TTYH2: variants seen among roughly 807,000 people sequenced by gnomAD.
The protein encoded by TTYH2 is tweety family member 2.
Under a neutral mutation model 68.3 loss-of-function variants are expected in TTYH2, and 49 were observed. The ratio of observed to expected loss-of-function variants is 0.72; its 90% CI spans 0.57 to 0.91. The LOEUF (loss-of-function observed/expected upper bound fraction) is 0.91, where lower values mean the gene tolerates loss of function less well. Ranked by LOEUF, TTYH2 falls within the 40% of genes least tolerant of loss-of-function variation. TTYH2 has a pLI of 0.00. For synonymous variants in TTYH2, 272 were observed against 300.8 expected (o/e 0.90, Z 0.99); for missense variants, 631 against 700.4 (o/e 0.90, Z 1.12).
At chr17:74,227,465 C>A (rs994342237) in intron 2 of TTYH2, among the ~76,000 whole-genome samples, 1 of 152,140 alleles carries the variant, frequency 6.6e-6, no homozygotes, top group African/African-American at 2.4e-5. Context: ...TCTCAGAGCA[C>A]AATACAATTG....
intron 5 of TTYH2, 49 bp downstream of exon 5, chr17:74,243,518 C>T: frequency 6.3e-7 from 1 of 1,591,164 alleles, no homozygotes. Flanking sequence ...GGCAGGATGC[C>T]ATCATCAGAG....
rs539631614 is a variant in TTYH2 at position 74,217,462 on chromosome 17, G to C, written c.129+3746G>C. Among the ~76,000 whole-genome samples, 5 of 152,316 alleles carry C rather than the reference G, an allele frequency of 3.3e-5. No homozygotes were observed. In the South Asian group the frequency reaches 1.0e-3, roughly 32 times the overall value. The stretch of plus-strand genomic sequence containing the variant: ...CTACAGGACTTCCTGCTTCTGACCT[G>C]GGGGCAGGTCTGAGGAAGAAGGACC... On this transcript the variant is annotated intron_variant, in intron 1 of 13. Coordinates refer to ENST00000269346, the MANE Select transcript of TTYH2 (RefSeq NM_032646.6). This position sits in a 1 kb window ranked among gnomAD's most constrained non-coding sequence, Gnocchi z 4.0.
intron 10 of TTYH2, among the ~76,000 whole-genome samples, chr17:74,251,287 T>C (rs59683399): frequency 0.42 from 61,922 of 149,120 alleles, 13,266 homozygotes; most frequent in African/African-American, 0.53. Context: ...GTCTGTGATG[T>C]GTGTGGTGTG....
chr17:74,248,943 C>A, intron 6 of TTYH2, 68 bp from the exon 7 acceptor site: 1 of 1,607,258 alleles, frequency 6.2e-7, no homozygotes, highest in Non-Finnish European at 8.5e-7. Context: ...GGGCTCCCGG[C>A]TCCTCCCAGG....
intron 13 of TTYH2, among the ~76,000 whole-genome samples, chr17:74,258,246 G>A (rs2050712658): frequency 6.6e-6 from 1 of 152,126 alleles, no homozygotes; most frequent in Admixed American, 6.6e-5. Context: ...CAGAAAATCT[G>A]AGTTGGAGCC....
chr17:74,240,483 T>C (rs903185800), intron 4 of TTYH2, among the ~76,000 whole-genome samples: 7 of 151,532 alleles, frequency 4.6e-5, no homozygotes, highest in Non-Finnish European at 1.0e-4. Context: ...TTGGCACCTA[T>C]GGCGCCTGAA....
At chr17:74,229,134 C>T (rs1488440182) in intron 2 of TTYH2, among the ~76,000 whole-genome samples, 1 of 152,140 alleles carries the variant, frequency 6.6e-6, no homozygotes, top group African/African-American at 2.4e-5. Context: ...CAGACTGTGA[C>T]ATGGGTGGCC....
intron 2 of TTYH2, among the ~76,000 whole-genome samples, chr17:74,229,947 A>C (rs1358772440): frequency 6.6e-6 from 1 of 152,170 alleles, no homozygotes; most frequent in African/African-American, 2.4e-5. Context: ...CCTGGCCAAC[A>C]TGGTGAAACC....
At chr17:74,248,563 A>C in intron 6 of TTYH2, 1 of 1,015,102 alleles carries the variant, frequency 9.9e-7, no homozygotes, top group African/African-American at 1.7e-5. Context: ...TCCCTGTAGC[A>C]CTTGATCATA....
rs755471690 is a variant in TTYH2 at position 74,237,380 on chromosome 17, C to T, written c.501C>T (p.Tyr167=). ...AGATCTTTGCTGCCCGGGGCGATTA[C>T]CTGCAGACCCTGAAGTTCATACAGC... ...LSEIFAARGD[Y]LQTLKFIQQM... is the part of the protein sequence containing the mutation. The change falls in exon 4 of 14, where the codon TAC becomes TAT. Residue 167 remains tyrosine, a synonymous_variant. Coordinates refer to ENST00000269346, the MANE Select transcript of TTYH2 (RefSeq NM_032646.6). The T allele has an allele frequency of 6.2e-7, 1 of 1,614,168 alleles. No individual in the cohort carries two copies. The highest frequency in any genetic ancestry group is 1.1e-5 in the South Asian group (1 of 91,086).
chr17:74,251,724 G>A (rs9889593), intron 10 of TTYH2: 63,715 of 154,338 alleles, frequency 0.41, 13,854 homozygotes, highest in African/African-American at 0.53. Context: ...TCCTTTTGCA[G>A]ACTAGGTTGG....
chr17:74,250,370 C>G lies in TTYH2; in HGVS notation c.1116+13C>G, dbSNP rs959092697. The G allele has an allele frequency of 6.2e-7, 1 of 1,609,462 alleles. No homozygotes were observed. The highest frequency in any genetic ancestry group is 2.2e-5 in the East Asian group (1 of 44,830). On this transcript the variant is annotated intron_variant, in intron 10 of 13. Coordinates refer to ENST00000269346, the MANE Select transcript of TTYH2 (RefSeq NM_032646.6). The stretch of plus-strand genomic sequence containing the variant: ...AGGGCTGCACAAGGTGCATGGGGAC[C>G]CTGGGGTCACGTGGAGAGTGTGAGG...
intron 6 of TTYH2, chr17:74,247,955 T>C (rs2050577625): frequency 6.6e-6 from 1 of 152,258 alleles, no homozygotes; most frequent in Non-Finnish European, 1.5e-5. Flanking sequence ...ACACATTTTC[T>C]AGACCGTAAG....
At chr17:74,254,761 G>T in intron 13 of TTYH2, among the ~76,000 whole-genome samples, 1 of 152,198 alleles carries the variant, frequency 6.6e-6, no homozygotes, top group East Asian at 1.9e-4. Flanking sequence ...AAGAGAGGGG[G>T]TCTCTTTCCC....
Position 74,259,305 on chromosome 17 carries a change from G to C in TTYH2, c.1525-824G>C, listed in dbSNP as rs8080732. Among the ~76,000 whole-genome samples the C allele has an allele frequency of 8.4e-3, 1,275 of 152,138 alleles. 17 individuals carry two copies. The highest frequency in any genetic ancestry group is 0.029 in the African/African-American group (1,224 of 41,498). ...GCTTGCTGCAACCTCCACCTCTTGG[G>C]CTCAAGTACCTTCTCCTCCTGCCTC... On this transcript the variant is annotated intron_variant, in intron 13 of 13. Transcript: ENST00000269346.
Position 74,214,985 on chromosome 17 carries a change from C to T in TTYH2, c.129+1269C>T, listed in dbSNP as rs1029819868. Among the ~76,000 whole-genome samples the T allele has an allele frequency of 1.3e-5, 2 of 152,110 alleles. No individual in the cohort carries two copies. Among genetic ancestry groups the T allele is most frequent in the African/African-American group, 4.8e-5 (2 of 41,410 alleles). Reference sequence around the variant, plus strand: ...ACCAGAGGGAGGGGAGCATCAGGACCCCTTCCTGGGGTTCAGTGGGCACTC... The same window carrying T: ...ACCAGAGGGAGGGGAGCATCAGGACTCCTTCCTGGGGTTCAGTGGGCACTC... On this transcript the variant is annotated intron_variant, in intron 1 of 13. Coordinates refer to ENST00000269346, the MANE Select transcript of TTYH2 (RefSeq NM_032646.6). This position sits in a 1 kb window ranked among gnomAD's most constrained non-coding sequence, Gnocchi z 4.6.
intron 2 of TTYH2, among the ~76,000 whole-genome samples, chr17:74,230,508 G>C (rs574441062): frequency 9.8e-5 from 15 of 152,290 alleles, no homozygotes; most frequent in South Asian, 2.1e-4. Context: ...CTCATCAGTT[G>C]TAATGGATGT....
At chr17:74,244,590 A>G (rs576859626) in intron 6 of TTYH2, among the ~76,000 whole-genome samples, 1 of 124,088 alleles carries the variant, frequency 8.1e-6, no homozygotes, top group South Asian at 2.6e-4. Flanking sequence ...GATGTCTCAA[A>G]ATGGCTTAAA....
chr17:74,228,017 T>C (rs896400510), intron 2 of TTYH2, among the ~76,000 whole-genome samples: 18 of 139,858 alleles, frequency 1.3e-4, no homozygotes, highest in African/African-American at 5.5e-4. Context: ...AGAGTCTTGC[T>C]CTGTCTCCCA....
Sources: allele counts gnomAD v4.1 joint callset (sites outside exome capture counted in the v4.1 genomes callset), GRCh38; gene constraint gnomAD v4.1.1; non-coding constraint Gnocchi (gnomAD v3.1); transcripts MANE v1.5; gene names NCBI Gene and HGNC (gene_info 2026-07-23, HGNC 2026-07-21).